Variants in EXT1 observed in about 807,000 individuals in gnomAD.
EXT1 encodes exostosin-1.
In EXT1, 20 loss-of-function variants were observed where a neutral mutation model predicts 82.5. The ratio of observed to expected loss-of-function variants is 0.24; its 90% CI spans 0.17 to 0.35. EXT1 has a LOEUF of 0.35. Ranked by LOEUF, EXT1 falls within the 10% of genes least tolerant of loss-of-function variation. The probability of loss-of-function intolerance (pLI) is 1.00; values close to 1 mark genes in which losing one functional copy is unlikely to be tolerated. For synonymous variants in EXT1, 348 were observed against 350.8 expected (o/e 0.99, Z 0.09); for missense variants, 757 against 936.5 (o/e 0.81, Z 2.50).
At chr8:117,820,629 AGT>A (rs1811907596) in intron 5 of EXT1, among the ~76,000 whole-genome samples, 2 of 152,168 alleles carry the variant, frequency 1.3e-5, no homozygotes, top group South Asian at 4.2e-4. Context: ...CAGAGGTTGC[AGT>A]GAGCCAAGAT....
chr8:117,935,544 A>G (rs1279916948), intron 1 of EXT1, among the ~76,000 whole-genome samples: 1 of 151,976 alleles, frequency 6.6e-6, no homozygotes, highest in Non-Finnish European at 1.5e-5. Context: ...TACTTTATGT[A>G]GAGACAGGAT....
In EXT1 at chr8:117,837,152, G is replaced by A. The variant is rs1812200863; in HGVS notation, c.1012C>T (p.Arg338Cys). ...CTGAAGGACCCAAGCCTGCGACCAC[G>A]AGGAACCAGACAGAAAGTGGCATTG... ...LHNATFCLVPRGRRLGSFRFL... is the reference protein window; with the variant it reads ...LHNATFCLVPCGRRLGSFRFL... The change falls in exon 2 of 11, where the codon CGT becomes TGT. Residue 338 changes from arginine to cysteine, a missense_variant. Around this residue, in one of 4 missense-constraint regions of EXT1, gnomAD observed 247 missense variants for 330.1 expected, o/e 0.75. Coordinates refer to ENST00000378204, the MANE Select transcript of EXT1 (RefSeq NM_000127.3). The A allele has an allele frequency of 2.5e-6, 4 of 1,613,906 alleles. No homozygotes were observed. Among genetic ancestry groups the A allele is most frequent in the African/African-American group, 1.3e-5 (1 of 74,898 alleles).
In EXT1 at chr8:117,797,845, A is replaced by G. The variant is rs1256153518; in HGVS notation, c.*1867T>C. 6.6e-6 allele frequency: 1 copy of G among 152,234 alleles called. No individual in the cohort carries two copies. Among genetic ancestry groups the G allele is most frequent in the African/African-American group, 2.4e-5 (1 of 41,462 alleles). The allele number at this position is 152,234 out of a possible 1,614,324, so 9.4% of individuals were successfully genotyped here. A position where few individuals can be genotyped will look rare whatever the true frequency, so the allele number is the denominator to read the frequency against. On this transcript the variant is annotated 3_prime_UTR_variant, in exon 11 of 11. Transcript: ENST00000378204. ...TGAGAATGGACTATGGATGGGTCCAATTAGATGAGAGAGGTATTTAGGGAG... is the reference window on the plus strand; with the variant it reads ...TGAGAATGGACTATGGATGGGTCCAGTTAGATGAGAGAGGTATTTAGGGAG...
chr8:117,941,475 G>A (rs1814271612), intron 1 of EXT1, among the ~76,000 whole-genome samples: 1 of 152,220 alleles, frequency 6.6e-6, no homozygotes, highest in African/African-American at 2.4e-5. Flanking sequence ...CTAGGGTAGT[G>A]AGAGTGGAAC....
intron 1 of EXT1, among the ~76,000 whole-genome samples, chr8:117,877,081 A>G (rs1473418740): frequency 6.6e-6 from 1 of 152,206 alleles, no homozygotes; most frequent in East Asian, 1.9e-4. Context: ...ACCAGCCCTA[A>G]TGACTGAGTA....
At chr8:118,040,198 A>G (rs757312995) in intron 1 of EXT1, among the ~76,000 whole-genome samples, 4 of 152,120 alleles carry the variant, frequency 2.6e-5, no homozygotes, top group Non-Finnish European at 5.9e-5. Flanking sequence ...TGGCCTAATT[A>G]CCAGTCCGCA....
chr8:117,821,346 C>T (rs558155768), intron 5 of EXT1, among the ~76,000 whole-genome samples: 4 of 152,246 alleles, frequency 2.6e-5, no homozygotes, highest in South Asian at 2.1e-4. Context: ...TAAACAGGAA[C>T]GACAAGTCAT....
intron 1 of EXT1, among the ~76,000 whole-genome samples, chr8:117,861,794 C>A (rs1305662247): frequency 6.9e-6 from 1 of 144,606 alleles, no homozygotes. Context: ...CTGCACCCGG[C>A]CTTGAAGTTT....
chr8:117,956,864 T>G (rs1814597055), intron 1 of EXT1, among the ~76,000 whole-genome samples: 1 of 151,810 alleles, frequency 6.6e-6, no homozygotes, highest in African/African-American at 2.4e-5. Context: ...GTTCTGGGAG[T>G]GCAAATACAC....
At position 117,799,705 on chromosome 8, in the gene EXT1, G is replaced by A. The variant is rs367817136; in HGVS notation, c.*7C>T. The A allele has an allele frequency of 1.3e-4, 207 of 1,613,822 alleles. No homozygotes were observed. Among genetic ancestry groups the A allele is most frequent in the African/African-American group, 1.0e-3 (76 of 74,958 alleles). ...CTTGCTTCCCCTCCCCCACTCAGCC[G>A]GATTCCTCAAAGTCGCTCAATGTCT... On this transcript the variant is annotated 3_prime_UTR_variant, in exon 11 of 11. Coordinates refer to ENST00000378204, the MANE Select transcript of EXT1 (RefSeq NM_000127.3).
intron 1 of EXT1, among the ~76,000 whole-genome samples, chr8:117,887,856 C>T (rs1179088098): frequency 1.3e-5 from 2 of 151,728 alleles, no homozygotes; most frequent in East Asian, 1.9e-4. Context: ...GAGTCTGAGG[C>T]GGGCGTATCA....
rs2129694149 is a variant in EXT1, at chr8:117,804,875, G to A, written c.1902C>T (p.Tyr634=). The A allele has an allele frequency of 6.2e-7, 1 of 1,614,086 alleles. No homozygotes were observed. The highest frequency in any genetic ancestry group is 8.5e-7 in the Non-Finnish European group (1 of 1,179,926). The part of the protein sequence containing the change: ...AIYHKYYHYL[Y]SHYLPASLKN... ...TCAGGCTGGCTGGCAGGTAATGGGA[G>A]TATAGGTAGTGATAATATCTGTAAA... The change falls in exon 10 of 11, where the codon TAC becomes TAT. Residue 634 remains tyrosine (Y), a synonymous_variant. Coordinates refer to ENST00000378204, the MANE Select transcript of EXT1 (RefSeq NM_000127.3).
chr8:117,851,982 T>C (rs966361044), intron 1 of EXT1, among the ~76,000 whole-genome samples: 1 of 152,220 alleles, frequency 6.6e-6, no homozygotes, highest in East Asian at 1.9e-4. Context: ...GTAATAACTC[T>C]AGCTAACATT....
chr8:118,044,338 T>C lies in EXT1; in HGVS notation c.962+65747A>G, dbSNP rs539371629. On this transcript the variant is annotated intron_variant, in intron 1 of 10. Coordinates refer to ENST00000378204, the MANE Select transcript of EXT1 (RefSeq NM_000127.3). ...AGAACTGCTGCCCCCATGGCTCATATAGTGAACCAAGGGTCAGAAAACCTA... is the reference window on the plus strand; with the variant it reads ...AGAACTGCTGCCCCCATGGCTCATACAGTGAACCAAGGGTCAGAAAACCTA... Among the ~76,000 whole-genome samples, 60 of 151,924 alleles carry C rather than the reference T, an allele frequency of 3.9e-4. 1 individual carries two copies. The highest frequency in any genetic ancestry group is 6.0e-4 in the Non-Finnish European group (41 of 68,004).
intron 7 of EXT1, among the ~76,000 whole-genome samples, chr8:117,815,988 A>C (rs1004708150): frequency 2.6e-5 from 4 of 151,730 alleles, no homozygotes; most frequent in Admixed American, 2.0e-4. Context: ...AGACTCAAGA[A>C]GTTTACTGTC....
intron 1 of EXT1, among the ~76,000 whole-genome samples, chr8:117,846,892 C>A (rs1416193253): frequency 6.6e-6 from 1 of 152,048 alleles, no homozygotes; most frequent in Non-Finnish European, 1.5e-5. Flanking sequence ...CCCTACATGC[C>A]CCTCTTTCCT....
At chr8:117,832,954 A>G (rs1812126033) in intron 3 of EXT1, among the ~76,000 whole-genome samples, 1 of 152,244 alleles carries the variant, frequency 6.6e-6, no homozygotes, top group Non-Finnish European at 1.5e-5. Context: ...AGCAAAACAA[A>G]TGGAATGCAC....
chr8:117,970,829 A>C (rs1814924956), intron 1 of EXT1, among the ~76,000 whole-genome samples: 1 of 152,198 alleles, frequency 6.6e-6, no homozygotes, highest in Non-Finnish European at 1.5e-5. Flanking sequence ...CATGGAGTGC[A>C]GCAGTTCTAA....
At chr8:117,949,336 C>T (rs1814446566) in intron 1 of EXT1, among the ~76,000 whole-genome samples, 2 of 152,060 alleles carry the variant, frequency 1.3e-5, no homozygotes, top group South Asian at 4.1e-4. Context: ...ATGCATCCAT[C>T]ATAAGCCTAC....
Sources: gnomAD v4.1 joint callset for allele counts (sites outside exome capture counted in the v4.1 genomes callset) on GRCh38, gnomAD v4.1.1 for gene constraint, gnomAD v4.1.1 regional missense constraint, MANE v1.5 for transcripts, NCBI Gene and HGNC (gene_info 2026-07-23, HGNC 2026-07-21) for gene names.